SGCD: variants seen among roughly 807,000 people sequenced by gnomAD.
SGCD encodes the protein sarcoglycan delta, also known as delta-sarcoglycan.
SGCD carries 18 observed loss-of-function variants against 36.6 expected under a neutral mutation model. The ratio of observed to expected loss-of-function variants is 0.49; its 90% confidence interval spans 0.34 to 0.73. SGCD has a LOEUF of 0.73. Among genes scored for constraint, SGCD ranks in the 30% least tolerant of loss-of-function variants. SGCD has a pLI of 0.01. For synonymous variants in SGCD, 133 were observed against 130.6 expected (o/e 1.02, Z -0.12); for missense variants, 387 against 346.7 (o/e 1.12, Z -0.92).
chr5:156,653,828 CA>C (rs1282226539), intron 7 of SGCD, among the ~76,000 whole-genome samples: 2 of 152,018 alleles, frequency 1.3e-5, no homozygotes, highest in Non-Finnish European at 2.9e-5. Context: ...CTTACTTGGC[CA>C]CATTCACACT....
chr5:156,110,201 C>A (rs1406690649), intron 1 of SGCD, among the ~76,000 whole-genome samples: 1 of 152,132 alleles, frequency 6.6e-6, no homozygotes, highest in Non-Finnish European at 1.5e-5. Flanking sequence ...TTGATTGTTT[C>A]TCCCATGTGT....
intron 3 of SGCD, among the ~76,000 whole-genome samples, chr5:156,158,222 A>G (rs997151746): frequency 6.6e-6 from 1 of 151,584 alleles, no homozygotes; most frequent in African/African-American, 2.4e-5. Context: ...TTCGAATTTT[A>G]CTGGATGCTG....
chr5:155,937,891 A>C (rs935517143), intron 1 of SGCD, among the ~76,000 whole-genome samples: 2 of 152,252 alleles, frequency 1.3e-5, no homozygotes, highest in African/African-American at 4.8e-5. Flanking sequence ...TATACAAAAC[A>C]GATGAGAAGA....
intron 3 of SGCD, among the ~76,000 whole-genome samples, chr5:156,397,473 A>G (rs1023752201): frequency 6.6e-6 from 1 of 152,174 alleles, no homozygotes; most frequent in Non-Finnish European, 1.5e-5. Context: ...GTTCTAGAGG[A>G]CAAATCCAAT....
chr5:156,156,417 T>G (rs1581135090), intron 3 of SGCD, among the ~76,000 whole-genome samples: 1 of 151,446 alleles, frequency 6.6e-6, no homozygotes, highest in East Asian at 1.9e-4. Context: ...TCGCTTGAGG[T>G]CAGGAATTCG....
intron 4 of SGCD, among the ~76,000 whole-genome samples, chr5:156,583,682 A>G (rs1417343950): frequency 2.0e-5 from 3 of 152,244 alleles, no homozygotes; most frequent in African/African-American, 7.2e-5. Flanking sequence ...ATGGGTAGAT[A>G]GACTTACCAG....
chr5:156,282,031 C>CAA (rs201189503), intron 3 of SGCD, among the ~76,000 whole-genome samples: 5 of 144,150 alleles, frequency 3.5e-5, no homozygotes, highest in African/African-American at 1.0e-4. Context: ...ACTCCATATC[C>CAA]AAAAAAAAAA....
intron 3 of SGCD, among the ~76,000 whole-genome samples, chr5:156,150,061 C>T (rs1175661867): frequency 6.6e-6 from 1 of 152,158 alleles, no homozygotes; most frequent in African/African-American, 2.4e-5. Flanking sequence ...CATCTCTTCT[C>T]TGTCTAAAAC....
In SGCD at chr5:156,061,091, C is replaced by T. The variant is rs899548877; in HGVS notation, c.-281-56787C>T. Among the ~76,000 whole-genome samples, 7 of 145,710 alleles carry T rather than the reference C, an allele frequency of 4.8e-5. 1 individual carries two copies. Among genetic ancestry groups the T allele is most frequent in the African/African-American group, 1.7e-4 (7 of 40,558 alleles). ...AATAAAAATCTATTCAAGACTTTAT[C>T]CTTACCTGAGTCAAAGCACTAGTCT... is the stretch of plus-strand genomic sequence containing the variant. On this transcript the variant is annotated intron_variant, in intron 1 of 9. Transcript: ENST00000517913.
intron 1 of SGCD, among the ~76,000 whole-genome samples, chr5:156,020,896 A>C (rs1291596847): frequency 6.6e-6 from 1 of 152,178 alleles, no homozygotes; most frequent in Non-Finnish European, 1.5e-5. Flanking sequence ...GACCTCTTGC[A>C]CTCGGCTGGC....
At chr5:155,781,085 G>C in the SGCD span, among the ~76,000 whole-genome samples, 1 of 152,142 alleles carries the variant, frequency 6.6e-6, no homozygotes, top group African/African-American at 2.4e-5. Flanking sequence ...TTAAATGATG[G>C]AATTTTAGGC....
chr5:156,273,452 GC>G (rs1157443121), intron 3 of SGCD, among the ~76,000 whole-genome samples: 2 of 152,146 alleles, frequency 1.3e-5, no homozygotes, highest in African/African-American at 4.8e-5. Flanking sequence ...TTGTCAGTTT[GC>G]TGCCACCTGT....
intron 1 of SGCD, among the ~76,000 whole-genome samples, chr5:155,966,546 G>A (rs186341155): frequency 6.6e-6 from 1 of 152,250 alleles, no homozygotes; most frequent in East Asian, 1.9e-4. Context: ...ACAAGTTGCA[G>A]GAGACTGGAG....
chr5:156,752,211 G>T (rs1345791713), intron 7 of SGCD, among the ~76,000 whole-genome samples: 1 of 152,150 alleles, frequency 6.6e-6, no homozygotes, highest in Non-Finnish European at 1.5e-5. Context: ...CAATAGTAGT[G>T]TATTGTTTAA....
rs1303416572 is a variant in SGCD at position 156,767,566 on chromosome 5, G to GT, written c.*8180dup. 1 of 150,908 alleles carries GT rather than the reference G, an allele frequency of 6.6e-6. No individual in the cohort carries two copies. The highest frequency in any genetic ancestry group is 2.4e-5 in the African/African-American group (1 of 41,014). 9.3% of individuals were successfully genotyped at this position (150,908 alleles called of 1,614,324 possible). A position where few individuals can be genotyped will look rare whatever the true frequency, so the allele number is the denominator to read the frequency against. ...TTATTTTTGGTTTGGTTTTTCTCTG[G>GT]TTTTGGGTGTGATGTAAGAAGAGCT... On this transcript the variant is annotated 3_prime_UTR_variant, in exon 9 of 9. Coordinates refer to ENST00000337851, the MANE Select transcript of SGCD (RefSeq NM_000337.6).
intron 4 of SGCD, among the ~76,000 whole-genome samples, chr5:156,581,110 G>A (rs559405439): frequency 3.9e-5 from 6 of 152,264 alleles, no homozygotes; most frequent in African/African-American, 1.4e-4. Flanking sequence ...TTTTGTTGAT[G>A]TTGATGCTAT....
chr5:156,035,667 TG>T (rs1334684024), intron 1 of SGCD, among the ~76,000 whole-genome samples: 1 of 152,074 alleles, frequency 6.6e-6, no homozygotes, highest in Non-Finnish European at 1.5e-5. Flanking sequence ...GCTATTTAGG[TG>T]GTTCTCTAAT....
the SGCD span, among the ~76,000 whole-genome samples, chr5:155,744,327 G>A: frequency 6.6e-6 from 1 of 152,214 alleles, no homozygotes; most frequent in African/African-American, 2.4e-5. Flanking sequence ...AGGTGTGGTA[G>A]CGCATGCCTG....
chr5:156,193,617 G>C (rs1763946993), intron 3 of SGCD, among the ~76,000 whole-genome samples: 1 of 152,130 alleles, frequency 6.6e-6, no homozygotes, highest in African/African-American at 2.4e-5. Context: ...GTGAGGCCTA[G>C]CTTCCACGTC....
Sources: gnomAD v4.1 joint callset for allele counts (sites outside exome capture counted in the v4.1 genomes callset) on GRCh38, gnomAD v4.1.1 for gene constraint, MANE v1.5 for transcripts, NCBI Gene and HGNC (gene_info 2026-07-23, HGNC 2026-07-21) for gene names.